CLIC5: variants seen among roughly 807,000 people sequenced by gnomAD.
The protein encoded by CLIC5 is CLIC family member 5, also known as chloride intracellular channel protein 5.
Under a neutral mutation model 24.7 loss-of-function variants are expected in CLIC5, and 20 were observed. That is an observed-to-expected ratio of 0.81 (90% CI 0.57 to 1.18). CLIC5 has a LOEUF of 1.18. CLIC5 is among the 50% of genes most tolerant of loss of function. The pLI, the probability that CLIC5 is intolerant of heterozygous loss-of-function variation, is 0.00. For missense variants in CLIC5, 341 were observed against 326.1 expected (o/e 1.05, Z -0.35); for synonymous variants, 159 against 135.6 (o/e 1.17, Z -1.20).
upstream of CLIC5, among the ~76,000 whole-genome samples, chr6:46,084,319 T>C (rs1762985888): frequency 6.6e-6 from 1 of 152,194 alleles, no homozygotes; most frequent in African/African-American, 2.4e-5. Flanking sequence ...CCTGTCATTA[T>C]GATGTTAGCT....
the CLIC5 span, among the ~76,000 whole-genome samples, chr6:46,104,003 G>C: frequency 6.6e-6 from 1 of 152,094 alleles, no homozygotes; most frequent in Admixed American, 6.6e-5. Flanking sequence ...AGGAGAAAAG[G>C]ACTTGTGTGA....
intron 1 of CLIC5, among the ~76,000 whole-genome samples, chr6:46,062,881 G>A (rs1317944080): frequency 1.3e-5 from 2 of 152,164 alleles, no homozygotes. Flanking sequence ...ATCATCAGAG[G>A]CTTGAATGGT....
At chr6:45,951,890 C>G (rs546785013) in intron 2 of CLIC5, among the ~76,000 whole-genome samples, 2 of 150,018 alleles carry the variant, frequency 1.3e-5, no homozygotes, top group Non-Finnish European at 3.0e-5. Flanking sequence ...CCTCCCCAAA[C>G]ACACACACTC....
At chr6:46,012,302 G>C (rs1394008155) in intron 1 of CLIC5, among the ~76,000 whole-genome samples, 1 of 152,200 alleles carries the variant, frequency 6.6e-6, no homozygotes, top group African/African-American at 2.4e-5. Context: ...TAGAGGCAGA[G>C]GCAAGACTTG....
chr6:46,109,808 A>C, the CLIC5 span, among the ~76,000 whole-genome samples: 1 of 152,124 alleles, frequency 6.6e-6, no homozygotes, highest in Admixed American at 6.6e-5. Flanking sequence ...AGAATTTGGA[A>C]ACTGTTGGGA....
chr6:45,934,268 C>T (rs1763851102), intron 4 of CLIC5: 1 of 152,156 alleles, frequency 6.6e-6, no homozygotes, highest in African/African-American at 2.4e-5. Flanking sequence ...TCTTTCTCAC[C>T]TCCTCTTGGC....
intron 3 of CLIC5, among the ~76,000 whole-genome samples, chr6:45,943,571 C>T (rs372130765): frequency 6.6e-6 from 1 of 152,200 alleles, no homozygotes; most frequent in African/African-American, 2.4e-5. Flanking sequence ...TTAACAAATG[C>T]CAAGTGTTCT....
At chr6:45,987,764 C>T (rs1765793695) in intron 1 of CLIC5, among the ~76,000 whole-genome samples, 1 of 151,984 alleles carries the variant, frequency 6.6e-6, no homozygotes, top group African/African-American at 2.4e-5. Flanking sequence ...TATCTCTCTT[C>T]CTCTTGTTAT....
chr6:45,915,954 C>T (rs747497862), intron 4 of CLIC5, among the ~76,000 whole-genome samples: 19 of 152,158 alleles, frequency 1.2e-4, no homozygotes, highest in Non-Finnish European at 2.4e-4. Flanking sequence ...TAATGGAAGT[C>T]GATCCTGCTG....
intron 5 of CLIC5, among the ~76,000 whole-genome samples, chr6:45,912,952 C>T (rs1258616478): frequency 1.3e-5 from 2 of 152,228 alleles, no homozygotes; most frequent in African/African-American, 2.4e-5. Flanking sequence ...CCAGTGTACA[C>T]ACAACTGAGT....
At chr6:45,962,897 C>T (rs1320277592) in intron 1 of CLIC5, among the ~76,000 whole-genome samples, 1 of 152,192 alleles carries the variant, frequency 6.6e-6, no homozygotes, top group Non-Finnish European at 1.5e-5. Context: ...GGTGTCTGTC[C>T]TTTAGCCTGC....
chr6:46,101,752 G>A, the CLIC5 span, among the ~76,000 whole-genome samples: 1 of 152,144 alleles, frequency 6.6e-6, no homozygotes, highest in Non-Finnish European at 1.5e-5. Flanking sequence ...CCTAGTGCAG[G>A]GGCTCAATCT....
intron 1 of CLIC5, among the ~76,000 whole-genome samples, chr6:46,032,698 T>C (rs1767538068): frequency 6.6e-6 from 1 of 152,152 alleles, no homozygotes; most frequent in African/African-American, 2.4e-5. Flanking sequence ...TTTCATTCAT[T>C]CCATAAACAC....
At chr6:46,055,967 C>A (rs954487893) in intron 1 of CLIC5, among the ~76,000 whole-genome samples, 2 of 152,080 alleles carry the variant, frequency 1.3e-5, no homozygotes, top group Non-Finnish European at 2.9e-5. Context: ...ATAGGTACAG[C>A]CTTTGAATTG....
At chr6:45,990,162 T>C (rs996988411) in intron 1 of CLIC5, among the ~76,000 whole-genome samples, 1 of 152,218 alleles carries the variant, frequency 6.6e-6, no homozygotes, top group Non-Finnish European at 1.5e-5. Flanking sequence ...TTTAGGCTAC[T>C]GTGTGTTTTA....
At chr6:46,049,623 A>G (rs190827120) in intron 1 of CLIC5, among the ~76,000 whole-genome samples, 6 of 152,336 alleles carry the variant, frequency 3.9e-5, no homozygotes, top group African/African-American at 1.4e-4. Context: ...TCCAGGCAAG[A>G]GCAGTCAACC....
chr6:46,092,720 C>A, the CLIC5 span, among the ~76,000 whole-genome samples: 1 of 152,036 alleles, frequency 6.6e-6, no homozygotes, highest in Non-Finnish European at 1.5e-5. Context: ...ATTTGTTGCA[C>A]CTTTGGTGAC....
At chr6:45,977,807 T>G (rs559334395) in intron 1 of CLIC5, among the ~76,000 whole-genome samples, 2 of 152,378 alleles carry the variant, frequency 1.3e-5, no homozygotes, top group Non-Finnish European at 2.9e-5. Flanking sequence ...CTCTTCAGAC[T>G]ACTTCTATTA....
chr6:45,961,695 T>C (rs1466481272), intron 1 of CLIC5, among the ~76,000 whole-genome samples: 2 of 152,170 alleles, frequency 1.3e-5, no homozygotes, highest in African/African-American at 4.8e-5. Flanking sequence ...AATAATTTGG[T>C]TGGCAAGACT....
Sources: gnomAD v4.1 joint callset for allele counts (sites outside exome capture counted in the v4.1 genomes callset) on GRCh38, gnomAD v4.1.1 for gene constraint, MANE v1.5 for transcripts, NCBI Gene and HGNC (gene_info 2026-07-23, HGNC 2026-07-21) for gene names.